Variants in AUNIP observed in about 807,000 individuals in gnomAD.
The protein encoded by AUNIP is aurora kinase A- and ninein-interacting protein.
In AUNIP, 16 loss-of-function variants were observed where a neutral mutation model predicts 12.2. The observed-to-expected ratio is 1.31, with a 90% CI of 0.88 to 1.99. The LOEUF is 1.99. Ranked by LOEUF, AUNIP falls within the 30% of genes most tolerant of loss-of-function variation. The pLI is 0.00. For synonymous variants in AUNIP, 142 were observed against 154.8 expected (o/e 0.92, Z 0.61); for missense variants, 411 against 419.1 (o/e 0.98, Z 0.17).
intron 2 of AUNIP, among the ~76,000 whole-genome samples, 153 bp downstream of exon 2, chr1:25,837,260 G>C (rs1273773496): frequency 1.3e-5 from 2 of 152,184 alleles, no homozygotes; most frequent in Admixed American, 1.3e-4. Flanking sequence ...CTTTTCAAAA[G>C]GCAACAACTT....
At chr1:25,855,420 C>T (rs1297017485) in intron 1 of AUNIP, among the ~76,000 whole-genome samples, 1 of 151,994 alleles carries the variant, frequency 6.6e-6, no homozygotes, top group Non-Finnish European at 1.5e-5. Flanking sequence ...GCTGAGCTTC[C>T]CAAAGTGCTG....
At chr1:25,838,457 T>C (rs2048320977) in intron 1 of AUNIP, among the ~76,000 whole-genome samples, 2 of 151,878 alleles carry the variant, frequency 1.3e-5, no homozygotes, top group Non-Finnish European at 2.9e-5. Context: ...GAGCCGAGAT[T>C]GTGCCACTGC....
At chr1:25,844,051 T>C (rs2048365460) in intron 1 of AUNIP, among the ~76,000 whole-genome samples, 2 of 152,210 alleles carry the variant, frequency 1.3e-5, no homozygotes, top group Non-Finnish European at 1.5e-5. Flanking sequence ...CAGCAACATA[T>C]GCTGCAGAGA....
Position 25,834,696 on chromosome 1 carries a change from G to T in AUNIP, c.*297C>A. On this transcript the variant is annotated 3_prime_UTR_variant, in exon 3 of 3. Coordinates refer to ENST00000374298, the MANE Select transcript of AUNIP (RefSeq NM_024037.3). ...AGGGCAAAGAGATGGCTCTGTGCAG[G>T]CTGAGTAAAAGGCACTTTCATAGAG... The T allele has an allele frequency of 8.5e-7, 1 of 1,170,182 alleles. No homozygotes were observed. The allele number at this position is 1,170,182 out of a possible 1,614,324, so 72.5% of individuals were successfully genotyped here.
Position 25,837,564 on chromosome 1 carries a change from G to A in AUNIP, c.79-10C>T, listed in dbSNP as rs1174919643. 1 of 1,607,488 alleles carries A rather than the reference G, an allele frequency of 6.2e-7. No individual in the cohort carries two copies. The highest frequency in any genetic ancestry group is 8.5e-7 in the Non-Finnish European group (1 of 1,176,938). ...GTTTGATTAAATGTGTCTGAGAAAG[G>A]AGAGAAAAAAGAATAATGAGCCTAT... On this transcript the variant is annotated splice_polypyrimidine_tract_variant and intron_variant, in intron 1 of 2. Transcript: ENST00000374298.
chr1:25,851,924 AG>A (rs1260403997), intron 1 of AUNIP, among the ~76,000 whole-genome samples: 5 of 151,796 alleles, frequency 3.3e-5, no homozygotes, highest in Non-Finnish European at 7.4e-5. Context: ...TAGTAGAGAT[AG>A]GGTTTTTTCA....
intron 1 of AUNIP, among the ~76,000 whole-genome samples, chr1:25,842,959 T>C (rs988158285): frequency 1.2e-4 from 19 of 152,068 alleles, no homozygotes; most frequent in Non-Finnish European, 1.8e-4. Flanking sequence ...GGCAGGCAGA[T>C]TGCTTGAGCC....
chr1:25,858,764 G>A (rs1388143865), intron 1 of AUNIP, among the ~76,000 whole-genome samples: 2 of 152,170 alleles, frequency 1.3e-5, no homozygotes, highest in Non-Finnish European at 2.9e-5. Context: ...CAGTACATAG[G>A]AGGCCAGCTC....
chr1:25,851,425 TGA>T (rs1338298002), intron 1 of AUNIP, among the ~76,000 whole-genome samples: 1 of 152,206 alleles, frequency 6.6e-6, no homozygotes, highest in Non-Finnish European at 1.5e-5. Context: ...TCTATTTTTT[TGA>T]GAGAGTCTGA....
At chr1:25,841,158 T>C (rs986706189) in intron 1 of AUNIP, among the ~76,000 whole-genome samples, 3 of 152,184 alleles carry the variant, frequency 2.0e-5, no homozygotes, top group Non-Finnish European at 4.4e-5. Context: ...ATAGCTCTCT[T>C]AGAAGACCCA....
chr1:25,841,337 T>C (rs1355029492), intron 1 of AUNIP, among the ~76,000 whole-genome samples: 3 of 152,358 alleles, frequency 2.0e-5, no homozygotes, highest in Middle Eastern at 3.4e-3. Flanking sequence ...CTTATTTTAT[T>C]GCACCTTGCT....
intron 1 of AUNIP, among the ~76,000 whole-genome samples, chr1:25,839,872 G>A (rs2048337632): frequency 6.6e-6 from 1 of 152,100 alleles, no homozygotes; most frequent in East Asian, 1.9e-4. Flanking sequence ...TCACCATGTT[G>A]GCCAAGCTGG....
Position 25,835,693 on chromosome 1 carries a change from G to A in AUNIP, c.374C>T (p.Ala125Val). 1 of 1,614,236 alleles carries A rather than the reference G, an allele frequency of 6.2e-7. No homozygotes were observed. The highest frequency in any genetic ancestry group is 1.1e-5 in the South Asian group (1 of 91,086). The change falls in exon 3 of 3, where the codon GCA (alanine) becomes GTA (valine). Residue 125 changes from alanine (A) to valine (V), a missense_variant. By Grantham distance (64) the Ala-to-Val change is moderately conservative. Transcript: ENST00000374298. ...AGAGAGTCCAGCTTCCTGGATGTCT[G>A]CAGTGGTTGAAGTGGCTAAAGGGGA... ...MASPLATSTT[A>V]DIQEAGLSPQ... is the part of the protein sequence containing the mutation.
At chr1:25,844,181 A>G (rs1392172529) in intron 1 of AUNIP, among the ~76,000 whole-genome samples, 1 of 152,154 alleles carries the variant, frequency 6.6e-6, no homozygotes, top group African/African-American at 2.4e-5. Flanking sequence ...ATCTCGGCTC[A>G]CTGCAACCTC....
rs771252053 is a variant in AUNIP at position 25,835,273 on chromosome 1, CTT to C, written c.792_793del (p.Ser265ProfsTer2). 2 of 1,614,208 alleles carry C rather than the reference CTT, an allele frequency of 1.2e-6. No individual in the cohort carries two copies. The highest frequency in any genetic ancestry group is 3.3e-5 in the Admixed American group (2 of 60,024). ...GGAAAACACAGAAACTGGACTACGG[CTT>C]TGTTTCACTGATTCTATGTTTTCTC... On this transcript the variant is annotated frameshift_variant, in exon 3 of 3. Coordinates refer to ENST00000374298, the MANE Select transcript of AUNIP (RefSeq NM_024037.3). LOFTEE classifies it high-confidence loss of function.
intron 1 of AUNIP, among the ~76,000 whole-genome samples, chr1:25,851,340 A>G (rs900133085): frequency 1.3e-5 from 2 of 152,088 alleles, no homozygotes; most frequent in Admixed American, 6.6e-5. Flanking sequence ...TTTTCTTGTG[A>G]TATCTTGGTC....
At chr1:25,854,508 T>C (rs1180684256) in intron 1 of AUNIP, among the ~76,000 whole-genome samples, 1 of 152,238 alleles carries the variant, frequency 6.6e-6, no homozygotes, top group Non-Finnish European at 1.5e-5. Context: ...ATACAGTTCC[T>C]TTAGATCTGC....
downstream of AUNIP, among the ~76,000 whole-genome samples, chr1:25,833,405 C>T (rs1173410912): frequency 1.3e-5 from 2 of 152,066 alleles, no homozygotes; most frequent in Non-Finnish European, 2.9e-5. Flanking sequence ...CATGAGCCAC[C>T]GCACTAAGCC....
intron 1 of AUNIP, among the ~76,000 whole-genome samples, chr1:25,852,535 G>A (rs1168952388): frequency 6.6e-6 from 1 of 150,724 alleles, no homozygotes; most frequent in Non-Finnish European, 1.5e-5. Context: ...CGCCTCCTGG[G>A]TTCAAGCAGT....
Sources: allele counts gnomAD v4.1 joint callset (sites outside exome capture counted in the v4.1 genomes callset), GRCh38; gene constraint gnomAD v4.1.1; transcripts MANE v1.5; gene names NCBI Gene and HGNC (gene_info 2026-07-23, HGNC 2026-07-21).